Variants in NLRP5 observed in about 807,000 individuals in gnomAD.
The protein encoded by NLRP5 is NLR family pyrin domain containing 5.
Under a neutral mutation model 113.1 loss-of-function variants are expected in NLRP5, and 93 were observed. That is an observed-to-expected ratio of 0.82 (90% CI 0.70 to 0.98). NLRP5 has a LOEUF of 0.98. NLRP5 is among the 50% of genes least tolerant of loss of function. The probability of loss-of-function intolerance (pLI) is 0.00; values close to 1 mark genes in which losing one functional copy is unlikely to be tolerated. For synonymous variants in NLRP5, 751 were observed against 600.7 expected, an observed-to-expected ratio of 1.25 and a Z score of -3.66; for missense variants, 1,808 against 1,514.3, an observed-to-expected ratio of 1.19 and a Z score of -3.22.
At chr19:56,039,564 C>T (rs1023230013) in intron 10 of NLRP5, among the ~76,000 whole-genome samples, 1 of 152,154 alleles carries the variant, frequency 6.6e-6, no homozygotes, top group Non-Finnish European at 1.5e-5. Context: ...TACGGGAAAA[C>T]ACCTATCACT....
intron 1 of NLRP5, among the ~76,000 whole-genome samples, chr19:56,001,828 C>G (rs1981663986): frequency 6.6e-6 from 1 of 152,194 alleles, no homozygotes; most frequent in Non-Finnish European, 1.5e-5. Flanking sequence ...AAGCTGCTGT[C>G]TACCTGAGTC....
chr19:56,004,112 A>T lies in NLRP5; in HGVS notation c.442+17A>T. 1 of 1,589,824 alleles carries T rather than the reference A, an allele frequency of 6.3e-7. No homozygotes were observed. Among genetic ancestry groups the T allele is most frequent in the Non-Finnish European group, 8.6e-7 (1 of 1,166,948 alleles). The stretch of plus-strand genomic sequence containing the variant: ...ACATGAAAAGTAAGCGAGACTTGGG[A>T]CAAGTCTAGGGCAGGGAGGGGAGGT... On this transcript the variant is annotated intron_variant, in intron 2 of 14. Transcript: ENST00000390649.
chr19:56,054,152 G>C (rs1402536813), intron 13 of NLRP5, among the ~76,000 whole-genome samples: 1 of 152,172 alleles, frequency 6.6e-6, no homozygotes, highest in South Asian at 2.1e-4. Context: ...ACAAAGACGG[G>C]CAGAAAGCAA....
chr19:56,024,357 G>A lies in NLRP5; in HGVS notation c.680-2556G>A, dbSNP rs79827777. Among the ~76,000 whole-genome samples the A allele has an allele frequency of 3.0e-3, 329 of 108,834 alleles. 2 individuals are homozygous for A. The highest frequency in any genetic ancestry group is 4.5e-3 in the African/African-American group (121 of 26,788). 71.4% of individuals were successfully genotyped at this position (108,834 alleles called of 152,430 possible). A position where few individuals can be genotyped will look rare whatever the true frequency, so the allele number is the denominator to read the frequency against. On this transcript the variant is annotated intron_variant, in intron 6 of 14. Transcript: ENST00000390649. ...TCTCTGCTTAAAAAAAAAAAAAAAA[G>A]AACAAATATATATATATGTGTATAT...
At chr19:56,004,197 G>T in intron 2 of NLRP5, 102 bp downstream of exon 2, 1 of 1,249,916 alleles carries the variant, frequency 8.0e-7, no homozygotes, top group South Asian at 1.5e-5. Context: ...CTCCACCTCT[G>T]CAGTGTGAGT....
chr19:56,044,019 T>C (rs933843904), intron 11 of NLRP5, among the ~76,000 whole-genome samples: 4 of 151,874 alleles, frequency 2.6e-5, no homozygotes, highest in Non-Finnish European at 5.9e-5. Context: ...GTTTTTCCCA[T>C]GTTATCTTCT....
At chr19:56,007,627 C>T (rs1046614739) in intron 2 of NLRP5, among the ~76,000 whole-genome samples, 2 of 151,076 alleles carry the variant, frequency 1.3e-5, no homozygotes, top group Non-Finnish European at 2.9e-5. Context: ...CTTGAAAATA[C>T]TTGTAATAGC....
chr19:55,998,710 G>GTGTGTGTATATATATATATATA (rs764250371), upstream of NLRP5, among the ~76,000 whole-genome samples: 46 of 67,824 alleles, frequency 6.8e-4, 2 homozygotes, highest in Middle Eastern at 0.015. Flanking sequence ...ATATGTGTGT[G>GTGTGTGTATATATATATATATA]TGTGTATATA....
intron 7 of NLRP5, among the ~76,000 whole-genome samples, chr19:56,031,025 T>C (rs1371659522): frequency 1.3e-5 from 2 of 152,002 alleles, no homozygotes; most frequent in South Asian, 2.1e-4. Flanking sequence ...ATTTTTCTTT[T>C]ATTCTTGAGG....
rs534215612 is a variant in NLRP5, at chr19:56,024,434, TATAC to T, written c.680-2475_680-2472del. 4.5e-3 allele frequency among the ~76,000 whole-genome samples: 656 copies of T among 146,160 alleles called. 8 individuals are homozygous for T. Among genetic ancestry groups the T allele is most frequent in the African/African-American group, 0.015 (586 of 39,876 alleles). ...TATGTATATATGTTATATATACACA[TATAC>T]ATATATTTATATATACGTACATACA... On this transcript the variant is annotated intron_variant, in intron 6 of 14. Transcript: ENST00000390649.
chr19:56,013,710 G>T (rs1982301350), intron 3 of NLRP5, among the ~76,000 whole-genome samples: 1 of 150,102 alleles, frequency 6.7e-6, no homozygotes, highest in African/African-American at 2.5e-5. Flanking sequence ...GAGTGGAAGT[G>T]GTGGGTCATA....
chr19:56,024,378 T>C (rs1241123241), intron 6 of NLRP5, among the ~76,000 whole-genome samples: 2 of 117,650 alleles, frequency 1.7e-5, no homozygotes, highest in Non-Finnish European at 3.5e-5. Context: ...TATATATGTG[T>C]ATATATAACA....
chr19:56,023,345 G>A (rs187630220), intron 6 of NLRP5, among the ~76,000 whole-genome samples: 15 of 152,216 alleles, frequency 9.9e-5, no homozygotes, highest in African/African-American at 3.4e-4. Flanking sequence ...TAGTCTTAAG[G>A]TGTGCTTCCC....
chr19:56,007,904 C>CGTGTGTGT (rs57588214), intron 2 of NLRP5, among the ~76,000 whole-genome samples: 2,445 of 110,128 alleles, frequency 0.022, 294 homozygotes, highest in African/African-American at 0.066. Flanking sequence ...TGCGCGCGTG[C>CGTGTGTGT]GTGTGTGTGT....
chr19:56,006,606 C>A (rs1298454889), intron 2 of NLRP5, among the ~76,000 whole-genome samples: 7 of 151,912 alleles, frequency 4.6e-5, no homozygotes, highest in Non-Finnish European at 1.0e-4. Flanking sequence ...GTGGCACACA[C>A]CTGTAATCCC....
At chr19:56,059,192 C>T (rs183454093) in intron 14 of NLRP5, among the ~76,000 whole-genome samples, 1 of 152,334 alleles carries the variant, frequency 6.6e-6, no homozygotes, top group East Asian at 1.9e-4. Context: ...CAGGAAGTTT[C>T]TTCAGTAGCT....
intron 4 of NLRP5, among the ~76,000 whole-genome samples, chr19:56,017,102 C>G (rs562624652): frequency 2.6e-5 from 4 of 152,154 alleles, no homozygotes; most frequent in African/African-American, 9.7e-5. Flanking sequence ...CCACCGCGCC[C>G]GGCCAAAATC....
At chr19:56,034,541 A>G (rs963658050) in intron 9 of NLRP5, among the ~76,000 whole-genome samples, 8 of 152,338 alleles carry the variant, frequency 5.3e-5, no homozygotes, top group African/African-American at 1.9e-4. Context: ...AGTCACAGTA[A>G]CCAAGATGCT....
intron 7 of NLRP5, among the ~76,000 whole-genome samples, chr19:56,030,168 G>C (rs186976300): frequency 6.6e-6 from 1 of 151,832 alleles, no homozygotes; most frequent in Admixed American, 6.6e-5. Context: ...TCAGGAGTTC[G>C]AGACCAGCCT....
Sources: allele counts gnomAD v4.1 joint callset (sites outside exome capture counted in the v4.1 genomes callset), GRCh38; gene constraint gnomAD v4.1.1; transcripts MANE v1.5; gene names NCBI Gene and HGNC (gene_info 2026-07-23, HGNC 2026-07-21).